Variants in ANO4 observed in about 807,000 individuals in gnomAD.
The protein encoded by ANO4 is anoctamin 4, also known as anoctamin-4.
Under a neutral mutation model 141.9 loss-of-function variants are expected in ANO4, and 69 were observed. The ratio of observed to expected loss-of-function variants is 0.49; its 90% CI spans 0.40 to 0.59. ANO4 has a LOEUF of 0.59. Among genes scored for constraint, ANO4 ranks in the 20% least tolerant of loss-of-function variants. The pLI, the probability that ANO4 is intolerant of heterozygous loss-of-function variation, is 0.00. For synonymous variants in ANO4, 350 were observed against 394.3 expected (o/e 0.89, Z 1.33); for missense variants, 894 against 1,162.2 (o/e 0.77, Z 3.36).
At chr12:101,022,005 C>T (rs896670919) in intron 9 of ANO4, among the ~76,000 whole-genome samples, 1 of 130,378 alleles carries the variant, frequency 7.7e-6, no homozygotes, top group Non-Finnish European at 1.5e-5. Flanking sequence ...GAGCTGAATG[C>T]AAGCTTGGTG....
intron 2 of ANO4, among the ~76,000 whole-genome samples, chr12:100,907,203 T>A (rs73389652): frequency 0.057 from 8,603 of 152,254 alleles, 302 homozygotes; most frequent in African/African-American, 0.085. Flanking sequence ...GCTTATCTCA[T>A]TTTACACTGT....
chr12:100,831,683 G>T (rs961701067), intron 1 of ANO4, among the ~76,000 whole-genome samples: 3 of 152,054 alleles, frequency 2.0e-5, no homozygotes, highest in Non-Finnish European at 4.4e-5. Flanking sequence ...ATAAACTTGT[G>T]GTTCTAGCTT....
intron 3 of ANO4, among the ~76,000 whole-genome samples, chr12:100,932,627 A>T (rs189676928): frequency 3.8e-4 from 58 of 152,276 alleles, no homozygotes; most frequent in African/African-American, 1.3e-3. Flanking sequence ...ATAATTGCAA[A>T]TAGTTGATTT....
chr12:101,097,530 C>T, intron 19 of ANO4, 121 bp from the exon 20 acceptor site: 1 of 943,280 alleles, frequency 1.1e-6, no homozygotes, highest in Non-Finnish European at 1.7e-6. Flanking sequence ...TCCTAATTCC[C>T]CCAGACCTAC....
intron 8 of ANO4, among the ~76,000 whole-genome samples, chr12:100,998,725 A>G (rs1194752538): frequency 1.3e-5 from 2 of 152,228 alleles, no homozygotes; most frequent in Non-Finnish European, 2.9e-5. Context: ...GACCCCACAG[A>G]AAGCTCTCTC....
intron 3 of ANO4, among the ~76,000 whole-genome samples, chr12:100,938,581 T>C (rs1267515330): frequency 6.6e-6 from 1 of 152,188 alleles, no homozygotes; most frequent in African/African-American, 2.4e-5. Flanking sequence ...ATATCTTTCC[T>C]CTGCTGGTGA....
At chr12:100,921,011 A>G (rs947043129) in intron 2 of ANO4, among the ~76,000 whole-genome samples, 2 of 152,128 alleles carry the variant, frequency 1.3e-5, no homozygotes, top group Admixed American at 6.6e-5. Context: ...AGCATTATCT[A>G]ATAAGAATTT....
chr12:101,071,358 T>C (rs1214771723), intron 14 of ANO4, among the ~76,000 whole-genome samples: 1 of 146,020 alleles, frequency 6.8e-6, no homozygotes, highest in South Asian at 2.1e-4. Flanking sequence ...AAAAAGAGAA[T>C]GACATCCTGT....
At chr12:101,092,327 C>T (rs1342024909) in intron 17 of ANO4, among the ~76,000 whole-genome samples, 1 of 152,162 alleles carries the variant, frequency 6.6e-6, no homozygotes, top group Non-Finnish European at 1.5e-5. Context: ...CACACAGCTT[C>T]CTTTTGGACA....
At chr12:101,009,808 T>C (rs1057033944) in intron 8 of ANO4, among the ~76,000 whole-genome samples, 3 of 152,168 alleles carry the variant, frequency 2.0e-5, no homozygotes, top group African/African-American at 7.2e-5. Flanking sequence ...TTTTAGCTGA[T>C]TTATTCCTTT....
intron 25 of ANO4, among the ~76,000 whole-genome samples, chr12:101,119,811 G>C (rs1203393382): frequency 6.6e-6 from 1 of 152,186 alleles, no homozygotes; most frequent in Non-Finnish European, 1.5e-5. Flanking sequence ...ATTTATGAGA[G>C]CTTGTTGTAT....
chr12:100,829,601 T>G (rs1020599415), intron 1 of ANO4, among the ~76,000 whole-genome samples: 1 of 152,092 alleles, frequency 6.6e-6, no homozygotes, highest in Non-Finnish European at 1.5e-5. Context: ...TTAAAGTTAA[T>G]ATTTTGCTTT....
chr12:100,855,430 G>A (rs976284871), intron 1 of ANO4, among the ~76,000 whole-genome samples: 11 of 151,866 alleles, frequency 7.2e-5, no homozygotes, highest in African/African-American at 2.7e-4. Context: ...TATTCATAGG[G>A]TGCTGTTGTT....
chr12:100,909,149 G>A (rs551281298), intron 2 of ANO4, among the ~76,000 whole-genome samples: 1 of 152,196 alleles, frequency 6.6e-6, no homozygotes, highest in Non-Finnish European at 1.5e-5. Context: ...GCCAGCCTTG[G>A]AAAAGGAATC....
intron 1 of ANO4, among the ~76,000 whole-genome samples, chr12:100,815,804 C>T (rs1215887095): frequency 6.6e-6 from 1 of 151,470 alleles, no homozygotes; most frequent in African/African-American, 2.4e-5. Context: ...TGTATTTTTC[C>T]AGCCAACATG....
intron 8 of ANO4, among the ~76,000 whole-genome samples, chr12:101,014,391 A>G (rs1484448530): frequency 6.6e-6 from 1 of 152,166 alleles, no homozygotes; most frequent in Non-Finnish European, 1.5e-5. Context: ...GAGGTTGCTC[A>G]CTACCCTAGA....
intron 1 of ANO4, among the ~76,000 whole-genome samples, chr12:100,818,186 T>C (rs565025238): frequency 6.6e-6 from 1 of 151,914 alleles, no homozygotes; most frequent in Non-Finnish European, 1.5e-5. Context: ...TATATAGTTA[T>C]AATAATAAGT....
At chr12:101,023,529 A>T (rs2046616608) in intron 9 of ANO4, among the ~76,000 whole-genome samples, 1 of 152,112 alleles carries the variant, frequency 6.6e-6, no homozygotes, top group Non-Finnish European at 1.5e-5. Flanking sequence ...AAAGTTACCC[A>T]GGCGTGGTGG....
chr12:101,043,200 A>G (rs1382417587), intron 12 of ANO4, among the ~76,000 whole-genome samples: 1 of 152,244 alleles, frequency 6.6e-6, no homozygotes, highest in Non-Finnish European at 1.5e-5. Context: ...ATCTTTATAT[A>G]TCTTCTTACT....
Sources: gnomAD v4.1 joint callset for allele counts (sites outside exome capture counted in the v4.1 genomes callset) on GRCh38, gnomAD v4.1.1 for gene constraint, MANE v1.5 for transcripts, NCBI Gene and HGNC (gene_info 2026-07-23, HGNC 2026-07-21) for gene names.